Variants in ACTR3C observed in about 807,000 individuals in gnomAD.
ACTR3C encodes actin-related protein 3C.
Under a neutral mutation model 26.3 loss-of-function variants are expected in ACTR3C, and 18 were observed. The ratio of observed to expected loss-of-function variants is 0.68; its 90% CI spans 0.47 to 1.01. The LOEUF is 1.01. Ranked by LOEUF, ACTR3C falls within the 50% of genes least tolerant of loss-of-function variation. The probability of loss-of-function intolerance (pLI) is 0.00; values close to 1 mark genes in which losing one functional copy is unlikely to be tolerated. For synonymous variants in ACTR3C, 55 were observed against 94.5 expected, an observed-to-expected ratio of 0.58 and a Z score of 2.42; for missense variants, 184 against 250.7, an observed-to-expected ratio of 0.73 and a Z score of 1.80.
chr7:149,891,513 A>G, the ACTR3C span: 2 of 295,176 alleles, frequency 6.8e-6, no homozygotes, highest in African/African-American at 4.5e-5. Flanking sequence ...TTCCACAAAC[A>G]AAGAATCACC....
At chr7:150,194,953 G>C in the ACTR3C span, among the ~76,000 whole-genome samples, 1 of 151,954 alleles carries the variant, frequency 6.6e-6, no homozygotes, top group African/African-American at 2.4e-5. Context: ...AATTAGCCGA[G>C]AGTGATGATG....
the ACTR3C span, among the ~76,000 whole-genome samples, chr7:150,070,417 CA>C: frequency 2.6e-5 from 4 of 152,182 alleles, no homozygotes; most frequent in African/African-American, 7.2e-5. Flanking sequence ...AAACATCGGT[CA>C]GGGGCAGAGA....
chr7:149,936,527 G>A, the ACTR3C span, among the ~76,000 whole-genome samples: 1 of 152,196 alleles, frequency 6.6e-6, no homozygotes, highest in Non-Finnish European at 1.5e-5. Context: ...CTGCATTGGG[G>A]AAGCACTTCT....
chr7:150,250,983 A>T (rs13232709), intron 6 of ACTR3C, among the ~76,000 whole-genome samples: 11 of 152,226 alleles, frequency 7.2e-5, no homozygotes, highest in Non-Finnish European at 1.6e-4. Flanking sequence ...ATGGAACCAT[A>T]CAAATGTAAA....
the ACTR3C span, among the ~76,000 whole-genome samples, chr7:150,082,947 C>CTT: frequency 0.21 from 22,889 of 108,432 alleles, 2,945 homozygotes; most frequent in African/African-American, 0.33. Flanking sequence ...TTTTTTTTTT[C>CTT]TTTTTTTTTT....
chr7:149,931,505 T>C, the ACTR3C span, among the ~76,000 whole-genome samples: 3,192 of 150,680 alleles, frequency 0.021, 115 homozygotes, highest in African/African-American at 0.073. Context: ...TCCCCAAGAA[T>C]GTCACAGCTC....
intron 6 of ACTR3C, among the ~76,000 whole-genome samples, chr7:150,281,022 C>A (rs1481790882): frequency 6.6e-6 from 1 of 152,174 alleles, no homozygotes; most frequent in Non-Finnish European, 1.5e-5. Context: ...ATCTTCAGGG[C>A]ACCCACTCTG....
chr7:150,052,094 C>T, the ACTR3C span, among the ~76,000 whole-genome samples: 1 of 151,816 alleles, frequency 6.6e-6, no homozygotes, highest in Admixed American at 6.6e-5. Context: ...TTCCCTAAAA[C>T]AGTGGGCATC....
chr7:150,046,709 C>G, the ACTR3C span, among the ~76,000 whole-genome samples: 1 of 144,052 alleles, frequency 6.9e-6, no homozygotes, highest in Non-Finnish European at 1.5e-5. Flanking sequence ...TTCCTCCCTT[C>G]TAAGTCCTAG....
the ACTR3C span, among the ~76,000 whole-genome samples, chr7:150,019,602 T>TAATAAC: frequency 3.2e-5 from 1 of 30,774 alleles, no homozygotes; most frequent in Non-Finnish European, 7.0e-5. Flanking sequence ...AAAATAAAAA[T>TAATAAC]AATAATAATA....
the ACTR3C span, among the ~76,000 whole-genome samples, chr7:150,218,957 T>C: frequency 6.6e-6 from 1 of 151,726 alleles, no homozygotes; most frequent in Non-Finnish European, 1.5e-5. Flanking sequence ...ATATAACTAC[T>C]CAAATCATAG....
chr7:150,198,970 G>A, the ACTR3C span, among the ~76,000 whole-genome samples: 3,212 of 136,332 alleles, frequency 0.024, 43 homozygotes, highest in South Asian at 0.038. Flanking sequence ...GCCCCGTCCG[G>A]GAGGGAGGTG....
chr7:149,914,108 C>G, the ACTR3C span, among the ~76,000 whole-genome samples: 1 of 151,432 alleles, frequency 6.6e-6, no homozygotes, highest in Non-Finnish European at 1.5e-5. Context: ...AGATTGGTCT[C>G]AAACTCTTGG....
At chr7:150,234,942 T>C in the ACTR3C span, among the ~76,000 whole-genome samples, 517 of 152,314 alleles carry the variant, frequency 3.4e-3, 3 homozygotes, top group African/African-American at 0.012. Flanking sequence ...AATAGTGTCT[T>C]CCCCACTGCC....
At chr7:149,886,130 T>TTTAA in the ACTR3C span, among the ~76,000 whole-genome samples, 1 of 152,258 alleles carries the variant, frequency 6.6e-6, no homozygotes, top group Non-Finnish European at 1.5e-5. Context: ...ATATTAACTA[T>TTTAA]TTAATTCCAT....
At chr7:149,992,227 C>A in the ACTR3C span, among the ~76,000 whole-genome samples, 3 of 152,260 alleles carry the variant, frequency 2.0e-5, no homozygotes, top group Non-Finnish European at 4.4e-5. Context: ...CCACGTGTCC[C>A]ATGTCCATGC....
At chr7:150,017,041 C>G in the ACTR3C span, among the ~76,000 whole-genome samples, 1 of 151,994 alleles carries the variant, frequency 6.6e-6, no homozygotes, top group Non-Finnish European at 1.5e-5. Flanking sequence ...AAGTAGGAAC[C>G]TGGGAGCAGG....
the ACTR3C span, among the ~76,000 whole-genome samples, chr7:150,038,895 C>CT: frequency 3.4e-5 from 2 of 58,942 alleles, no homozygotes; most frequent in African/African-American, 1.2e-4. Flanking sequence ...GTGCCTCCCC[C>CT]CTGCGATGGG....
intron 6 of ACTR3C, among the ~76,000 whole-genome samples, chr7:150,265,876 T>C (rs1339612066): frequency 1.3e-5 from 2 of 152,054 alleles, no homozygotes; most frequent in Non-Finnish European, 2.9e-5. Context: ...GAGAGTAACT[T>C]ATATACATCA....
Sources: allele counts gnomAD v4.1 joint callset (sites outside exome capture counted in the v4.1 genomes callset), GRCh38; gene constraint gnomAD v4.1.1; transcripts MANE v1.5; gene names NCBI Gene and HGNC (gene_info 2026-07-23, HGNC 2026-07-21).